GALNT16: variants seen among roughly 807,000 people sequenced by gnomAD.
GALNT16 encodes the protein polypeptide N-acetylgalactosaminyltransferase 16.
A neutral mutation model predicts 76.1 loss-of-function variants in GALNT16; 40 were observed. The ratio of observed to expected loss-of-function variants is 0.53; its 90% CI spans 0.41 to 0.68. The LOEUF (loss-of-function observed/expected upper bound fraction) is 0.68, where lower values mean the gene tolerates loss of function less well. Among genes scored for constraint, GALNT16 ranks in the 30% least tolerant of loss-of-function variants. The pLI is 0.00. For missense variants in GALNT16, 621 were observed against 731.9 expected (o/e 0.85, Z 1.75); for synonymous variants, 276 against 285.2 (o/e 0.97, Z 0.32).
chr14:69,380,210 T>G, the GALNT16 span: 1 of 182,796 alleles, frequency 5.5e-6, no homozygotes, highest in Non-Finnish European at 1.1e-5. Flanking sequence ...CCCCACCCCA[T>G]CTTGAAGAAG....
chr14:69,296,465 G>A (rs2044760776), intron 1 of GALNT16, among the ~76,000 whole-genome samples: 1 of 152,076 alleles, frequency 6.6e-6, no homozygotes, highest in African/African-American at 2.4e-5. Context: ...AAGCCGAGGT[G>A]GGCAGATCAC....
chr14:69,301,276 G>A (rs2044848090), intron 1 of GALNT16, among the ~76,000 whole-genome samples: 1 of 152,202 alleles, frequency 6.6e-6, no homozygotes, highest in Non-Finnish European at 1.5e-5. Flanking sequence ...CTCAGCAGGT[G>A]TGCGATCACT....
intron 13 of GALNT16, among the ~76,000 whole-genome samples, 158 bp downstream of exon 13, chr14:69,347,339 T>C (rs1182157721): frequency 6.6e-6 from 1 of 152,156 alleles, no homozygotes; most frequent in Non-Finnish European, 1.5e-5. Flanking sequence ...CACATTCATA[T>C]CCCCTTTCCA....
At chr14:69,379,446 A>C in the GALNT16 span, among the ~76,000 whole-genome samples, 2 of 152,236 alleles carry the variant, frequency 1.3e-5, no homozygotes, top group African/African-American at 2.4e-5. Flanking sequence ...AAAATAGTTA[A>C]GGCCCTAATG....
intron 1 of GALNT16, among the ~76,000 whole-genome samples, chr14:69,314,304 A>G (rs1286592138): frequency 6.6e-6 from 1 of 152,272 alleles, no homozygotes; most frequent in Non-Finnish European, 1.5e-5. Flanking sequence ...TGAAGAAGAA[A>G]CATGTTCAGA....
the GALNT16 span, among the ~76,000 whole-genome samples, chr14:69,374,142 A>T: frequency 2.0e-5 from 3 of 151,972 alleles, no homozygotes; most frequent in African/African-American, 2.4e-5. Context: ...CAACTTCTCC[A>T]TCTTTCAAGT....
intron 1 of GALNT16, among the ~76,000 whole-genome samples, chr14:69,309,230 A>G (rs530294743): frequency 6.6e-6 from 1 of 152,200 alleles, no homozygotes; most frequent in African/African-American, 2.4e-5. Context: ...AAAGGGGCAC[A>G]AAGCTTTCAT....
intron 11 of GALNT16, 56 bp from the exon 12 acceptor site, chr14:69,341,625 C>A: frequency 8.4e-7 from 1 of 1,189,374 alleles, no homozygotes. Context: ...GGCATCCTCC[C>A]TCGGGCTGCC....
At chr14:69,342,216 G>A (rs2045496854) in intron 12 of GALNT16, among the ~76,000 whole-genome samples, 1 of 151,954 alleles carries the variant, frequency 6.6e-6, no homozygotes, top group Admixed American at 6.6e-5. Flanking sequence ...GGGAGGCCAA[G>A]GCAGGAGGAT....
At chr14:69,305,779 G>T (rs535487226) in intron 1 of GALNT16, among the ~76,000 whole-genome samples, 1 of 151,934 alleles carries the variant, frequency 6.6e-6, no homozygotes, top group East Asian at 1.9e-4. Context: ...GATTTAATCC[G>T]GCTTTGTTTA....
chr14:69,354,784 G>C (rs1386479163), downstream of GALNT16: 1 of 152,304 alleles, frequency 6.6e-6, no homozygotes, highest in Non-Finnish European at 1.5e-5. Context: ...TTGGGGCTTA[G>C]AAATGGAAAG....
intron 1 of GALNT16, among the ~76,000 whole-genome samples, chr14:69,304,534 T>G (rs1215195016): frequency 6.6e-6 from 1 of 152,194 alleles, no homozygotes; most frequent in East Asian, 1.9e-4. Flanking sequence ...ATAGGTACGA[T>G]GTTGTACAGC....
At position 69,322,930 on chromosome 14, in the gene GALNT16, G is replaced by A. The variant is rs1353636458; in HGVS notation, c.336-1762G>A. On this transcript the variant is annotated intron_variant, in intron 2 of 14. Coordinates refer to ENST00000448469, the MANE Select transcript of GALNT16 (RefSeq NM_001168368.2). ...AAAGCTGAGGTGGCTCACGGGGTGT[G>A]TGTGTGTGTGTGTGTGTGTGTGTGT... Among the ~76,000 whole-genome samples the A allele has an allele frequency of 1.3e-4, 5 of 37,130 alleles. No individual in the cohort carries two copies. In the African/African-American group the frequency reaches 1.4e-3, roughly 10 times the overall value. 24.4% of individuals were successfully genotyped at this position (37,130 alleles called of 152,430 possible).
At position 69,261,708 on chromosome 14, in the gene GALNT16, T is replaced by A. The variant is rs140042120; in HGVS notation, c.177+1241T>A. ...AACCCCAGGAATATCGGGAAGTTCA[T>A]TGGAGAGTGTCCCCTCATATTCCCA... On this transcript the variant is annotated intron_variant, in intron 1 of 14. Transcript: ENST00000448469. This position sits in a 1 kb window ranked among gnomAD's most constrained non-coding sequence, Gnocchi z 6.4. 6.6e-6 allele frequency among the ~76,000 whole-genome samples: 1 copy of A among 152,054 alleles called. No homozygotes were observed. The highest frequency in any genetic ancestry group is 2.4e-5 in the African/African-American group (1 of 41,388).
chr14:69,263,241 C>A (rs2044300165), intron 1 of GALNT16, among the ~76,000 whole-genome samples: 2 of 152,168 alleles, frequency 1.3e-5, no homozygotes, highest in Admixed American at 1.3e-4. Flanking sequence ...GTATTATATT[C>A]ATATCTCCTT....
intron 5 of GALNT16, among the ~76,000 whole-genome samples, chr14:69,327,322 C>T (rs1295630944): frequency 3.3e-5 from 5 of 152,106 alleles, no homozygotes; most frequent in Admixed American, 3.3e-4. Context: ...TGCGCCACTG[C>T]ACTCCAGCCT....
rs2045663104 is a variant in GALNT16 at position 69,353,443 on chromosome 14, C to T, written c.*1275C>T. The T allele has an allele frequency of 1.3e-5, 2 of 152,538 alleles. No individual in the cohort carries two copies. The highest frequency in any genetic ancestry group is 6.8e-3 in the Middle Eastern group (2 of 294). 9.4% of individuals were successfully genotyped at this position (152,538 alleles called of 1,614,324 possible). A position where few individuals can be genotyped will look rare whatever the true frequency, so the allele number is the denominator to read the frequency against. ...TTCACAGCCGCTGAGAACACATCCA[C>T]ACATCTACCCCACGGCCTTGTCTTG... On this transcript the variant is annotated 3_prime_UTR_variant, in exon 15 of 15. Coordinates refer to ENST00000448469, the MANE Select transcript of GALNT16 (RefSeq NM_001168368.2).
chr14:69,304,051 C>G (rs2044895025), intron 1 of GALNT16, among the ~76,000 whole-genome samples: 1 of 151,962 alleles, frequency 6.6e-6, no homozygotes. Flanking sequence ...CACTTTTTTT[C>G]CGGGCTCTTT....
the GALNT16 span, among the ~76,000 whole-genome samples, chr14:69,369,801 G>A: frequency 6.6e-6 from 1 of 152,092 alleles, no homozygotes; most frequent in Non-Finnish European, 1.5e-5. Context: ...TGAGTCTTCC[G>A]ACTCCCTGAA....
Sources: gnomAD v4.1 joint callset for allele counts (sites outside exome capture counted in the v4.1 genomes callset) on GRCh38, gnomAD v4.1.1 for gene constraint, Gnocchi (gnomAD v3.1) non-coding constraint, MANE v1.5 for transcripts, NCBI Gene and HGNC (gene_info 2026-07-23, HGNC 2026-07-21) for gene names.